RARB: variants seen among roughly 807,000 people sequenced by gnomAD.
RARB encodes retinoic acid receptor beta.
RARB carries 17 observed loss-of-function variants against 51.9 expected under a neutral mutation model. The observed-to-expected ratio is 0.33, with a 90% CI of 0.22 to 0.49. The LOEUF is 0.49. Among genes scored for constraint, RARB ranks in the 20% least tolerant of loss-of-function variants. The pLI is 0.99. For missense variants in RARB, 369 were observed against 550.8 expected, an observed-to-expected ratio of 0.67 and a Z score of 3.30; for synonymous variants, 215 against 195.4, an observed-to-expected ratio of 1.10 and a Z score of -0.84.
At chr3:24,918,481 G>A (rs1376126420) in intron 2 of RARB, among the ~76,000 whole-genome samples, 4 of 152,090 alleles carry the variant, frequency 2.6e-5, no homozygotes, top group Admixed American at 2.6e-4. Context: ...TGTGATGATG[G>A]TTGCATAATT....
At chr3:25,474,622 C>G (rs972970332) in intron 2 of RARB, among the ~76,000 whole-genome samples, 1 of 152,110 alleles carries the variant, frequency 6.6e-6, no homozygotes, top group African/African-American at 2.4e-5. Context: ...ATGATTTCAT[C>G]AAAAACGTTA....
At chr3:25,238,926 C>T (rs920791559) in intron 5 of RARB, among the ~76,000 whole-genome samples, 1 of 152,076 alleles carries the variant, frequency 6.6e-6, no homozygotes, top group African/African-American at 2.4e-5. Flanking sequence ...TTGCAGTAAG[C>T]CGAGATCACA....
At chr3:25,325,357 A>C (rs888947471) in intron 5 of RARB, among the ~76,000 whole-genome samples, 5 of 152,166 alleles carry the variant, frequency 3.3e-5, no homozygotes, top group East Asian at 1.9e-4. Flanking sequence ...TCTTTACCAC[A>C]GCCTGTTCTA....
chr3:24,916,040 G>T (rs1007031966), intron 2 of RARB, among the ~76,000 whole-genome samples: 2 of 152,110 alleles, frequency 1.3e-5, no homozygotes, highest in Non-Finnish European at 2.9e-5. Flanking sequence ...TACGGAAATT[G>T]ACTGACTCAA....
At chr3:25,172,447 A>G (rs990464692) in intron 4 of RARB, among the ~76,000 whole-genome samples, 1 of 152,232 alleles carries the variant, frequency 6.6e-6, no homozygotes, top group African/African-American at 2.4e-5. Context: ...GTTAGAGCTT[A>G]TAGTGAGGTG....
At chr3:25,333,995 T>G (rs1161653867) in intron 5 of RARB, among the ~76,000 whole-genome samples, 2 of 152,138 alleles carry the variant, frequency 1.3e-5, no homozygotes, top group Non-Finnish European at 2.9e-5. Context: ...CTCACACCAG[T>G]TAGAATGGCA....
At chr3:24,998,277 GT>G (rs71622792) in intron 2 of RARB, among the ~76,000 whole-genome samples, 59 of 140,484 alleles carry the variant, frequency 4.2e-4, no homozygotes, top group Admixed American at 1.8e-3. Flanking sequence ...CTTGTAGTTT[GT>G]TTTTTTTTTT....
chr3:25,069,961 A>T (rs555177733), intron 3 of RARB, among the ~76,000 whole-genome samples: 1 of 152,334 alleles, frequency 6.6e-6, no homozygotes, highest in East Asian at 1.9e-4. Context: ...GGTGGCTTAA[A>T]ACAACAGAAA....
chr3:25,215,463 A>G lies in RARB; in HGVS notation c.178+40888A>G, dbSNP rs372535310. On this transcript the variant is annotated intron_variant, in intron 5 of 11. Transcript: ENST00000383772. Reference sequence around the variant, plus strand: ...TCCATCCACAGTACTGACCATTCACATAGTTGTGAATATGGACAAGAGAGA... The same window carrying G: ...TCCATCCACAGTACTGACCATTCACGTAGTTGTGAATATGGACAAGAGAGA... Among the ~76,000 whole-genome samples the G allele has an allele frequency of 2.0e-5, 3 of 152,274 alleles. No homozygotes were observed. In the South Asian group the frequency reaches 6.2e-4, roughly 32 times the overall value.
intron 5 of RARB, among the ~76,000 whole-genome samples, chr3:25,211,323 T>C (rs1391819250): frequency 6.6e-6 from 1 of 152,150 alleles, no homozygotes; most frequent in African/African-American, 2.4e-5. Flanking sequence ...TTATAAGCCT[T>C]CATGATTAGT....
At chr3:25,097,447 GATATTTTC>G (rs1699317417) in intron 3 of RARB, among the ~76,000 whole-genome samples, 1 of 152,150 alleles carries the variant, frequency 6.6e-6, no homozygotes, top group Non-Finnish European at 1.5e-5. Flanking sequence ...GGAAATTGCA[GATATTTTC>G]ATATAGAATG....
At chr3:25,551,924 C>A (rs1298794994) in intron 3 of RARB, among the ~76,000 whole-genome samples, 1 of 152,214 alleles carries the variant, frequency 6.6e-6, no homozygotes. Context: ...TGCCTACCTG[C>A]ATTCCTCTTT....
At chr3:24,861,580 G>A (rs981225820) in intron 2 of RARB, among the ~76,000 whole-genome samples, 8 of 119,956 alleles carry the variant, frequency 6.7e-5, no homozygotes, top group African/African-American at 2.0e-4. Context: ...CTTGTTAACA[G>A]AAATAACTTG....
Position 25,159,154 on chromosome 3 carries a change from C to CTT in RARB, c.-279-14940_-279-14939dup, listed in dbSNP as rs397874262. Among the ~76,000 whole-genome samples, 604 of 65,298 alleles carry CTT rather than the reference C, an allele frequency of 9.2e-3. 40 individuals are homozygous for CTT. Among genetic ancestry groups the CTT allele is most frequent in the African/African-American group, 0.017 (250 of 14,864 alleles). 42.8% of individuals were successfully genotyped at this position (65,298 alleles called of 152,430 possible). A position where few individuals can be genotyped will look rare whatever the true frequency, so the allele number is the denominator to read the frequency against. ...TCCCAAGAAAACTGTTCCAAATTGT[C>CTT]TTTTTTTTTTTTTTTTTTTTTTTTT... On this transcript the variant is annotated intron_variant, in intron 4 of 11. Transcript: ENST00000383772.
chr3:25,085,208 A>T (rs1421718176), intron 3 of RARB, among the ~76,000 whole-genome samples: 1 of 152,218 alleles, frequency 6.6e-6, no homozygotes, highest in Non-Finnish European at 1.5e-5. Flanking sequence ...AGTGTCATCT[A>T]TTCAAAATAT....
chr3:25,531,811 ATTT>A (rs1698937864), intron 3 of RARB, among the ~76,000 whole-genome samples: 1 of 151,932 alleles, frequency 6.6e-6, no homozygotes, highest in Non-Finnish European at 1.5e-5. Context: ...CCAGGTAGGA[ATTT>A]GAGAGGGGCA....
chr3:25,237,134 T>C (rs1479279723), intron 5 of RARB, among the ~76,000 whole-genome samples: 1 of 152,070 alleles, frequency 6.6e-6, no homozygotes, highest in Non-Finnish European at 1.5e-5. Context: ...CTTTAATAGT[T>C]AAAAGCTTTC....
At chr3:25,203,682 C>G (rs189539146) in intron 5 of RARB, among the ~76,000 whole-genome samples, 1 of 152,280 alleles carries the variant, frequency 6.6e-6, no homozygotes, top group Admixed American at 6.5e-5. Flanking sequence ...ATTTCCCCTT[C>G]ACTTATGAAG....
chr3:25,471,512 T>C (rs1351294619), intron 2 of RARB, among the ~76,000 whole-genome samples: 3 of 127,650 alleles, frequency 2.4e-5, no homozygotes, highest in African/African-American at 9.4e-5. Context: ...AAAATCTGTC[T>C]TTTTTTTTTT....
Sources: allele counts gnomAD v4.1 joint callset (sites outside exome capture counted in the v4.1 genomes callset), GRCh38; gene constraint gnomAD v4.1.1; transcripts MANE v1.5; gene names NCBI Gene and HGNC (gene_info 2026-07-23, HGNC 2026-07-21).